The following UBL5 variants were observed in gnomAD, a reference collection of about 807,000 sequenced individuals.
UBL5 encodes ubiquitin-like protein 5.
UBL5 carries 13 observed loss-of-function variants against 11.7 expected under a neutral mutation model. The observed-to-expected ratio is 1.11, with a 90% CI of 0.73 to 1.77. The LOEUF (loss-of-function observed/expected upper bound fraction) is 1.77, where lower values mean the gene tolerates loss of function less well. UBL5 is among the 40% of genes most tolerant of loss of function. UBL5 has a pLI of 0.00. For missense variants in UBL5, 58 were observed against 92.3 expected, an observed-to-expected ratio of 0.63 and a Z score of 1.52; for synonymous variants, 28 against 34.7, an observed-to-expected ratio of 0.81 and a Z score of 0.68.
intron 4 of UBL5, 146 bp downstream of exon 4, chr19:9,829,020 GTAAT>G (rs780086306): frequency 1.7e-4 from 131 of 773,032 alleles, no homozygotes; most frequent in Admixed American, 3.2e-4. Flanking sequence ...TGGGAGCTAG[GTAAT>G]TATTTGGTTG....
chr19:9,829,111 C>CAGT (rs2046041488), intron 4 of UBL5: 2 of 582,380 alleles, frequency 3.4e-6, no homozygotes, highest in East Asian at 2.8e-5. Context: ...GAGTGCTGGA[C>CAGT]AGTAGGTCAG....
chr19:9,828,890 C>G lies in UBL5; in HGVS notation c.178+16C>G. ...CTGGGGGACTGTATCCTTTGTGTGA[C>G]TTTTTGAGGAAGCATCTACATACCC... On this transcript the variant is annotated intron_variant, in intron 4 of 4. Coordinates refer to ENST00000586895, the MANE Select transcript of UBL5 (RefSeq NM_001048241.3). 1 of 1,613,880 alleles carries G rather than the reference C, an allele frequency of 6.2e-7. No individual in the cohort carries two copies. The highest frequency in any genetic ancestry group is 8.5e-7 in the Non-Finnish European group (1 of 1,179,758).
At position 9,830,061 on chromosome 19, in the gene UBL5, C is replaced by T. The variant is rs2046047507; in HGVS notation, c.*53C>T. The T allele has an allele frequency of 6.2e-7, 1 of 1,602,580 alleles. No individual in the cohort carries two copies. Among genetic ancestry groups the T allele is most frequent in the African/African-American group, 1.3e-5 (1 of 74,646 alleles). On this transcript the variant is annotated 3_prime_UTR_variant, in exon 5 of 5. Transcript: ENST00000586895. ...TTTCCTCTCCCATCCTCATCCCCCA[C>T]ACTGGGATAGATGCTTGTTTGTAAA...
At chr19:9,828,300 C>T (rs1019678552) in intron 1 of UBL5, 27 bp from the exon 2 acceptor site, 2 of 1,608,452 alleles carry the variant, frequency 1.2e-6, no homozygotes, top group East Asian at 2.2e-5. Context: ...ACTTTGCTGC[C>T]TCCCACCCAC....
chr19:9,828,240 G>A, intron 1 of UBL5, 87 bp from the exon 2 acceptor site: 1 of 1,302,408 alleles, frequency 7.7e-7, no homozygotes, highest in African/African-American at 1.5e-5. Context: ...CCTGGGACTG[G>A]GAGACTTGTA....
At chr19:9,828,131 G>A (rs1338162030) in intron 1 of UBL5, 147 bp downstream of exon 1, 2 of 607,604 alleles carry the variant, frequency 3.3e-6, no homozygotes, top group Non-Finnish European at 5.8e-6. Context: ...CGGCTCCCCG[G>A]GGTTCGCGGC....
At chr19:9,829,773 AG>A in intron 4 of UBL5, 191 bp from the exon 5 acceptor site, 1 of 591,608 alleles carries the variant, frequency 1.7e-6, no homozygotes. Flanking sequence ...CTGGGATTAC[AG>A]GTGTGAGCCA....
chr19:9,830,074 G>C lies in UBL5; in HGVS notation c.*66G>C. 1.9e-6 allele frequency: 3 copies of C among 1,594,744 alleles called. No individual in the cohort carries two copies. Among genetic ancestry groups the C allele is most frequent in the South Asian group, 1.1e-5 (1 of 90,214 alleles). On this transcript the variant is annotated 3_prime_UTR_variant, in exon 5 of 5. Coordinates refer to ENST00000586895, the MANE Select transcript of UBL5 (RefSeq NM_001048241.3). ...CCTCATCCCCCACACTGGGATAGATGCTTGTTTGTAAAAACTCACCTTAAT... is the reference window on the plus strand; with the variant it reads ...CCTCATCCCCCACACTGGGATAGATCCTTGTTTGTAAAAACTCACCTTAAT...
chr19:9,829,823 C>T lies in UBL5; in HGVS notation c.179-142C>T, dbSNP rs2046045875. Reference sequence around the variant, plus strand: ...GAAATTCTTTTGTAAAGTTTTGGTTCTCTCCAAATAAAAATGGCCTGGTCC... The same window carrying T: ...GAAATTCTTTTGTAAAGTTTTGGTTTTCTCCAAATAAAAATGGCCTGGTCC... On this transcript the variant is annotated intron_variant, in intron 4 of 4. Coordinates refer to ENST00000586895, the MANE Select transcript of UBL5 (RefSeq NM_001048241.3). 7.0e-6 allele frequency: 6 copies of T among 859,722 alleles called. No homozygotes were observed. In the East Asian group the frequency reaches 1.5e-4, roughly 21 times the overall value. 53.3% of individuals were successfully genotyped at this position (859,722 alleles called of 1,614,324 possible). A position where few individuals can be genotyped will look rare whatever the true frequency, so the allele number is the denominator to read the frequency against.
At chr19:9,828,907 T>G (rs1287993262) in intron 4 of UBL5, 33 bp downstream of exon 4, 1 of 1,608,938 alleles carries the variant, frequency 6.2e-7, no homozygotes, top group Non-Finnish European at 8.5e-7. Flanking sequence ...AGGAAGCATC[T>G]ACATACCCAG....
intron 4 of UBL5, 117 bp downstream of exon 4, chr19:9,828,991 A>G: frequency 2.0e-6 from 2 of 992,948 alleles, no homozygotes; most frequent in Admixed American, 1.8e-5. Context: ...TACGTGGCAC[A>G]TGGTGAGCAC....
intron 4 of UBL5, chr19:9,829,210 G>C (rs1295958338): frequency 4.0e-6 from 1 of 248,556 alleles, no homozygotes; most frequent in Non-Finnish European, 7.9e-6. Flanking sequence ...TTTTGAGACA[G>C]TCTGGCTCTG....
intron 1 of UBL5, 53 bp downstream of exon 1, chr19:9,828,037 G>A: frequency 2.0e-6 from 1 of 508,532 alleles, no homozygotes; most frequent in African/African-American, 1.9e-5. Context: ...TCGCGACCCA[G>A]CCACCCAGGG....
At position 9,828,918 on chromosome 19, in the gene UBL5, C is replaced by T. The variant is rs1230727895; in HGVS notation, c.178+44C>T. On this transcript the variant is annotated intron_variant, in intron 4 of 4. Coordinates refer to ENST00000586895, the MANE Select transcript of UBL5 (RefSeq NM_001048241.3). Reference sequence around the variant, plus strand: ...TTTGAGGAAGCATCTACATACCCAGCCTCGGTTATCTGTTCAAAACTAAAG... The same window carrying T: ...TTTGAGGAAGCATCTACATACCCAGTCTCGGTTATCTGTTCAAAACTAAAG... 5 of 1,594,116 alleles carry T rather than the reference C, an allele frequency of 3.1e-6. No individual in the cohort carries two copies. In the South Asian group the frequency reaches 3.3e-5, roughly 11 times the overall value.
intron 4 of UBL5, 147 bp from the exon 5 acceptor site, chr19:9,829,818 T>C (rs1432549464): frequency 1.2e-6 from 1 of 802,546 alleles, no homozygotes; most frequent in African/African-American, 1.7e-5. Flanking sequence ...TGTAAAGTTT[T>C]GGTTCTCTCC....
In UBL5 at chr19:9,828,578, T is replaced by C. The variant is rs780886277; in HGVS notation, c.57-14T>C. ...TTCTACCGCTTCCATTTGCCTTAAC[T>C]GCTCTGCGCCCAGCACGGATGATAC... On this transcript the variant is annotated splice_polypyrimidine_tract_variant and intron_variant, in intron 2 of 4. Transcript: ENST00000586895. 6.2e-7 allele frequency: 1 copy of C among 1,614,206 alleles called. No homozygotes were observed. Among genetic ancestry groups the C allele is most frequent in the Non-Finnish European group, 8.5e-7 (1 of 1,180,034 alleles).
rs749041509 is a variant in UBL5 at position 9,828,588 on chromosome 19, C to G, written c.57-4C>G. On this transcript the variant is annotated splice_region_variant and splice_polypyrimidine_tract_variant and intron_variant, in intron 2 of 4. Coordinates refer to ENST00000586895, the MANE Select transcript of UBL5 (RefSeq NM_001048241.3). ...TCCATTTGCCTTAACTGCTCTGCGCCCAGCACGGATGATACCATCGGGGAC... is the reference window on the plus strand; with the variant it reads ...TCCATTTGCCTTAACTGCTCTGCGCGCAGCACGGATGATACCATCGGGGAC... The G allele has an allele frequency of 1.2e-6, 2 of 1,614,156 alleles. No individual in the cohort carries two copies. Among genetic ancestry groups the G allele is most frequent in the Non-Finnish European group, 8.5e-7 (1 of 1,180,012 alleles).
chr19:9,829,196 A>T (rs554849093), intron 4 of UBL5: 5 of 297,492 alleles, frequency 1.7e-5, no homozygotes, highest in Admixed American at 1.4e-4. Flanking sequence ...TTATTTATTT[A>T]TTTTTTTGAG....
At chr19:9,828,301 T>TA in intron 1 of UBL5, 26 bp from the exon 2 acceptor site, 2 of 1,597,586 alleles carry the variant, frequency 1.3e-6, no homozygotes, top group Non-Finnish European at 1.7e-6. Context: ...CTTTGCTGCC[T>TA]CCCACCCACC....
Sources: gnomAD v4.1 joint callset for allele counts on GRCh38, gnomAD v4.1.1 for gene constraint, MANE v1.5 for transcripts, NCBI Gene and HGNC (gene_info 2026-07-23, HGNC 2026-07-21) for gene names.